SKIC3: variants seen among roughly 807,000 people sequenced by gnomAD.
The protein encoded by SKIC3 is superkiller complex protein 3.
chr5:95,489,690 T>C, the SKIC3 span, among the ~76,000 whole-genome samples: 3 of 152,064 alleles, frequency 2.0e-5, no homozygotes, highest in Non-Finnish European at 2.9e-5. Flanking sequence ...AAATATATGA[T>C]AGATACTAAA....
chr5:95,513,606 C>T, the SKIC3 span: 1 of 1,613,800 alleles, frequency 6.2e-7, no homozygotes. Context: ...CTGAAGAGAT[C>T]CATGGTGTCA....
At chr5:95,525,765 T>C in the SKIC3 span, 11 of 1,194,604 alleles carry the variant, frequency 9.2e-6, no homozygotes, top group African/African-American at 1.4e-4. Flanking sequence ...CAGAAAAGCA[T>C]GGTCCTAATA....
At chr5:95,519,882 C>T in the SKIC3 span, among the ~76,000 whole-genome samples, 1 of 152,012 alleles carries the variant, frequency 6.6e-6, no homozygotes, top group Non-Finnish European at 1.5e-5. Flanking sequence ...ATGCCCTTTA[C>T]ACAGTAACTT....
At chr5:95,523,175 T>C in the SKIC3 span, 14 of 1,613,112 alleles carry the variant, frequency 8.7e-6, no homozygotes, top group Non-Finnish European at 1.0e-5. Context: ...TTGTCTAACA[T>C]AGTTTAAATA....
the SKIC3 span, among the ~76,000 whole-genome samples, chr5:95,538,113 C>T: frequency 2.6e-5 from 4 of 151,930 alleles, no homozygotes; most frequent in Non-Finnish European, 4.4e-5. Context: ...AGTTAGAAAT[C>T]GATTCTTAAA....
chr5:95,497,464 C>A, the SKIC3 span: 1 of 1,613,460 alleles, frequency 6.2e-7, no homozygotes, highest in South Asian at 1.1e-5. Flanking sequence ...ACAACAGAGA[C>A]CAAAGAGCAG....
At chr5:95,512,840 G>C in the SKIC3 span, 2 of 518,528 alleles carry the variant, frequency 3.9e-6, no homozygotes. Context: ...AATCAAACGG[G>C]ATAAAATGCA....
the SKIC3 span, among the ~76,000 whole-genome samples, chr5:95,553,202 T>G: frequency 6.6e-6 from 1 of 152,064 alleles, no homozygotes; most frequent in East Asian, 1.9e-4. Flanking sequence ...TTGCTCCAAA[T>G]CACTGCAGCA....
the SKIC3 span, chr5:95,484,993 C>G: frequency 1.2e-6 from 1 of 822,406 alleles, no homozygotes; most frequent in Admixed American, 2.2e-5. Flanking sequence ...CATAGACTAT[C>G]CTGACAAGTG....
chr5:95,549,499 T>C, the SKIC3 span, among the ~76,000 whole-genome samples: 1 of 152,048 alleles, frequency 6.6e-6, no homozygotes, highest in South Asian at 2.1e-4. Flanking sequence ...AATTCTAATA[T>C]TAAATGTCCT....
At chr5:95,490,500 A>ATTTT in the SKIC3 span, among the ~76,000 whole-genome samples, 6 of 136,050 alleles carry the variant, frequency 4.4e-5, no homozygotes, top group East Asian at 2.0e-4. Flanking sequence ...ATATATATAT[A>ATTTT]TATATTTTTT....
the SKIC3 span, chr5:95,524,518 T>C: frequency 6.2e-7 from 1 of 1,613,854 alleles, no homozygotes; most frequent in Non-Finnish European, 8.5e-7. Flanking sequence ...TCTTCACCCA[T>C]GAACCAGTAT....
At chr5:95,484,733 G>C in the SKIC3 span, 1 of 1,614,138 alleles carries the variant, frequency 6.2e-7, no homozygotes, top group Non-Finnish European at 8.5e-7. Flanking sequence ...CCTTTGTGCA[G>C]AGAGTTTCAG....
chr5:95,523,788 C>A, the SKIC3 span: 47 of 1,613,362 alleles, frequency 2.9e-5, no homozygotes, highest in Non-Finnish European at 3.7e-5. Context: ...ATAATAATGA[C>A]CTAAATAGCA....
chr5:95,496,451 C>T, the SKIC3 span, among the ~76,000 whole-genome samples: 1 of 152,062 alleles, frequency 6.6e-6, no homozygotes, highest in Non-Finnish European at 1.5e-5. Flanking sequence ...CCCAACAGGC[C>T]ACACCCTAAG....
the SKIC3 span, chr5:95,494,721 C>G: frequency 1.4e-4 from 221 of 1,613,596 alleles, 2 homozygotes; most frequent in South Asian, 2.4e-3. Context: ...GTCTTTAGTG[C>G]AGTATTTTTT....
chr5:95,475,681 T>A, the SKIC3 span, among the ~76,000 whole-genome samples: 230 of 152,330 alleles, frequency 1.5e-3, 1 homozygote, highest in African/African-American at 5.4e-3. Flanking sequence ...TTGAGTATAG[T>A]CAGTTGGCTT....
chr5:95,532,707 C>T, the SKIC3 span, among the ~76,000 whole-genome samples: 2 of 152,122 alleles, frequency 1.3e-5, no homozygotes, highest in African/African-American at 2.4e-5. Context: ...TAAGGTTCCA[C>T]ATTTAACAAC....
At chr5:95,479,493 T>G in the SKIC3 span, among the ~76,000 whole-genome samples, 11 of 152,114 alleles carry the variant, frequency 7.2e-5, no homozygotes, top group Non-Finnish European at 1.5e-4. Context: ...TTAACTGTGG[T>G]TTCAGTTACC....
Sources: allele counts gnomAD v4.1 joint callset (sites outside exome capture counted in the v4.1 genomes callset), GRCh38; gene constraint gnomAD v4.1.1; transcripts MANE v1.5; gene names NCBI Gene and HGNC (gene_info 2026-07-23, HGNC 2026-07-21).